Variants in RBFOX1 observed in about 807,000 individuals in gnomAD.
RBFOX1 encodes RNA binding protein fox-1 homolog 1.
RBFOX1 carries 8 observed loss-of-function variants against 57.7 expected under a neutral mutation model. That is an observed-to-expected ratio of 0.14 (90% CI 0.08 to 0.25). The LOEUF is 0.25. Among genes scored for constraint, RBFOX1 ranks in the 10% least tolerant of loss-of-function variants. The pLI is 1.00. For synonymous variants in RBFOX1, 326 were observed against 222.4 expected, an observed-to-expected ratio of 1.47 and a Z score of -4.15; for missense variants, 611 against 548.5, an observed-to-expected ratio of 1.11 and a Z score of -1.14.
rs532958248 is a variant in RBFOX1 at position 5,543,982 on chromosome 16, C to T, written c.259-54920C>T. On this transcript the variant is annotated intron_variant, in intron 2 of 2. Transcript: ENST00000585867. ...AGTCAAATCCAGAATTATGATTGAACGTCAATACACTGCTTACAACAATTG... is the reference window on the plus strand; with the variant it reads ...AGTCAAATCCAGAATTATGATTGAATGTCAATACACTGCTTACAACAATTG... Among the ~76,000 whole-genome samples, 67 of 152,254 alleles carry T rather than the reference C, an allele frequency of 4.4e-4. 2 individuals are homozygous for T. In the South Asian group the frequency reaches 0.013, roughly 30 times the overall value.
At chr16:6,858,357 G>C (rs781562314) in intron 3 of RBFOX1, among the ~76,000 whole-genome samples, 2 of 152,176 alleles carry the variant, frequency 1.3e-5, no homozygotes, top group Non-Finnish European at 2.9e-5. Context: ...GGAAAAAGCA[G>C]AGCAGATTCG....
intron 1 of RBFOX1, among the ~76,000 whole-genome samples, chr16:5,243,192 G>T (rs758145279): frequency 5.3e-5 from 8 of 152,270 alleles, no homozygotes; most frequent in Non-Finnish European, 1.2e-4. Context: ...GTCTCTCCTA[G>T]GTATTTGGTT....
chr16:5,820,630 A>G (rs1487657941), intron 3 of RBFOX1, among the ~76,000 whole-genome samples: 1 of 152,130 alleles, frequency 6.6e-6, no homozygotes, highest in African/African-American at 2.4e-5. Context: ...GTGAGAAGGA[A>G]CGTTTTCCCC....
intron 10 of RBFOX1, among the ~76,000 whole-genome samples, chr16:7,619,381 G>A (rs562582374): frequency 2.6e-5 from 4 of 152,250 alleles, no homozygotes; most frequent in African/African-American, 7.2e-5. Flanking sequence ...CAGTGTGTGC[G>A]AGTATGTGTG....
chr16:6,420,870 A>T (rs1034039227), intron 2 of RBFOX1, among the ~76,000 whole-genome samples: 3 of 152,194 alleles, frequency 2.0e-5, no homozygotes, highest in Non-Finnish European at 2.9e-5. Flanking sequence ...GACATAGTGC[A>T]AGGAGTAAAT....
intron 1 of RBFOX1, among the ~76,000 whole-genome samples, chr16:6,067,761 A>T (rs1183362298): frequency 6.6e-6 from 1 of 152,220 alleles, no homozygotes; most frequent in Non-Finnish European, 1.5e-5. Context: ...AATATATAAA[A>T]AGCTCATTAC....
intron 3 of RBFOX1, among the ~76,000 whole-genome samples, chr16:6,886,367 A>G (rs143234232): frequency 7.0e-4 from 107 of 152,118 alleles, no homozygotes; most frequent in African/African-American, 2.5e-3. Context: ...CGGCCCAGTG[A>G]AGCACCTTAC....
At chr16:5,276,888 T>G (rs933504118) in intron 1 of RBFOX1, among the ~76,000 whole-genome samples, 1 of 152,162 alleles carries the variant, frequency 6.6e-6, no homozygotes, top group African/African-American at 2.4e-5. Context: ...GTATGGAGAT[T>G]CCTTAAAGAA....
At chr16:5,293,784 A>G (rs1290881847) in intron 1 of RBFOX1, among the ~76,000 whole-genome samples, 2 of 140,860 alleles carry the variant, frequency 1.4e-5, no homozygotes, top group African/African-American at 2.6e-5. Flanking sequence ...CTTGATGGAT[A>G]CAGGGTTATT....
intron 3 of RBFOX1, among the ~76,000 whole-genome samples, chr16:5,766,951 C>G (rs548089057): frequency 6.6e-6 from 1 of 152,310 alleles, no homozygotes; most frequent in South Asian, 2.1e-4. Context: ...AAATAATGAG[C>G]TCTTTACATT....
chr16:5,844,860 G>C (rs1425720746), intron 3 of RBFOX1, among the ~76,000 whole-genome samples: 1 of 152,130 alleles, frequency 6.6e-6, no homozygotes, highest in Non-Finnish European at 1.5e-5. Flanking sequence ...TTAGGGCCTT[G>C]TAATGACCCA....
intron 1 of RBFOX1, among the ~76,000 whole-genome samples, chr16:5,438,845 C>T (rs947969740): frequency 4.6e-5 from 7 of 152,096 alleles, no homozygotes; most frequent in African/African-American, 1.7e-4. Flanking sequence ...AAAATCCCGC[C>T]TTCACCACGA....
intron 3 of RBFOX1, among the ~76,000 whole-genome samples, chr16:6,868,792 A>G (rs1359762855): frequency 6.6e-6 from 1 of 152,134 alleles, no homozygotes; most frequent in Non-Finnish European, 1.5e-5. Flanking sequence ...AAGATAGGTA[A>G]TAAGGTTGCA....
intron 3 of RBFOX1, among the ~76,000 whole-genome samples, chr16:5,859,667 C>G (rs2057160725): frequency 6.6e-6 from 1 of 152,200 alleles, no homozygotes; most frequent in Non-Finnish European, 1.5e-5. Flanking sequence ...CATTGGCCAG[C>G]AACCATGCCA....
intron 3 of RBFOX1, among the ~76,000 whole-genome samples, chr16:5,639,895 C>A (rs986877584): frequency 7.9e-5 from 12 of 152,170 alleles, no homozygotes; most frequent in African/African-American, 2.7e-4. Context: ...GAGCTATTTT[C>A]TGCTAAAGCA....
chr16:5,359,321 G>A (rs567882353), intron 1 of RBFOX1, among the ~76,000 whole-genome samples: 90 of 152,296 alleles, frequency 5.9e-4, no homozygotes, highest in Non-Finnish European at 1.1e-3. Context: ...TTCCTTTTGC[G>A]TGTATACCCA....
At chr16:5,973,685 C>T (rs1297029640) in intron 4 of RBFOX1, among the ~76,000 whole-genome samples, 1 of 152,194 alleles carries the variant, frequency 6.6e-6, no homozygotes, top group Admixed American at 6.5e-5. Context: ...ACATTTATAT[C>T]AGTAGACTGA....
chr16:6,613,757 C>T lies in RBFOX1; in HGVS notation c.-63-40846C>T, dbSNP rs978452154. Among the ~76,000 whole-genome samples the T allele has an allele frequency of 3.3e-5, 5 of 152,062 alleles. No individual in the cohort carries two copies. In the South Asian group the frequency reaches 6.2e-4, roughly 19 times the overall value. ...TTTGAGACCGGCCTGGCCAACATGGCGAAACCCCATCTCTACTACAAATAT... is the reference window on the plus strand; with the variant it reads ...TTTGAGACCGGCCTGGCCAACATGGTGAAACCCCATCTCTACTACAAATAT... On this transcript the variant is annotated intron_variant, in intron 2 of 15. Transcript: ENST00000550418.
intron 4 of RBFOX1, among the ~76,000 whole-genome samples, chr16:6,009,802 A>ATGTGTGTGTGTCTG (rs1555469408): frequency 3.4e-5 from 2 of 58,562 alleles, no homozygotes; most frequent in Admixed American, 1.7e-4. Context: ...CAGTGTGTGT[A>ATGTGTGTGTGTCTG]TGTGTGTGTG....
Sources: gnomAD v4.1 joint callset for allele counts (sites outside exome capture counted in the v4.1 genomes callset) on GRCh38, gnomAD v4.1.1 for gene constraint, MANE v1.5 for transcripts, NCBI Gene and HGNC (gene_info 2026-07-23, HGNC 2026-07-21) for gene names.